The following VEGFA variants were observed in gnomAD, a reference collection of about 807,000 sequenced individuals.
VEGFA encodes the protein vascular endothelial growth factor A.
Under a neutral mutation model 49.7 loss-of-function variants are expected in VEGFA, and 20 were observed. The observed-to-expected ratio is 0.40, with a 90% CI of 0.28 to 0.58. The LOEUF (loss-of-function observed/expected upper bound fraction) is 0.58. Ranked by LOEUF, VEGFA falls within the 20% of genes least tolerant of loss-of-function variation. VEGFA has a pLI of 0.40. For synonymous variants in VEGFA, 219 were observed against 223.4 expected, an observed-to-expected ratio of 0.98 and a Z score of 0.18; for missense variants, 505 against 553.5, an observed-to-expected ratio of 0.91 and a Z score of 0.88.
chr6:43,770,997 G>A lies in VEGFA; in HGVS notation c.291G>A (p.Glu97=), dbSNP rs2127996370. 1.3e-6 allele frequency: 2 copies of A among 1,542,082 alleles called. No individual in the cohort carries two copies. The highest frequency in any genetic ancestry group is 1.7e-6 in the Non-Finnish European group (2 of 1,144,446). The change falls in exon 1 of 8, where the codon GAG becomes GAA. Residue 97 remains glutamate (E), a synonymous_variant. Coordinates refer to ENST00000672860, the MANE Select transcript of VEGFA (RefSeq NM_003376.6). ...AGCCGCAGCCGGAGGAGGGGGAGGA[G>A]GAAGAAGAGAAGGAAGAGGAGAGGG...
chr6:43,774,205 T>C (rs1764546552), intron 1 of VEGFA, 136 bp from the exon 2 acceptor site: 2 of 886,914 alleles, frequency 2.3e-6, no homozygotes, highest in Non-Finnish European at 3.7e-6. Context: ...GGTTGTGTCC[T>C]GTTCGACTCA....
At chr6:43,774,164 G>T in intron 1 of VEGFA, 177 bp from the exon 2 acceptor site, 1 of 682,418 alleles carries the variant, frequency 1.5e-6, no homozygotes, top group South Asian at 1.6e-5. Flanking sequence ...TCCAGGAGTG[G>T]TGGGCATATT....
Position 43,771,175 on chromosome 6 carries a change from AGCGGGCC to A in VEGFA, c.472_478del (p.Gly158ProfsTer22). 1.9e-6 allele frequency: 3 copies of A among 1,574,538 alleles called. 1 individual carries two copies. The highest frequency in any genetic ancestry group is 2.6e-6 in the Non-Finnish European group (3 of 1,164,680). On this transcript the variant is annotated frameshift_variant, in exon 1 of 8. Coordinates refer to ENST00000672860, the MANE Select transcript of VEGFA (RefSeq NM_003376.6). LOFTEE classifies it high-confidence loss of function. Reference sequence around the variant, plus strand: ...AGTAGCTCGCCGAGGCGCCGAGGAGAGCGGGCCGCCCCACAGCCCGAGCCGGAGAGGG... The same window carrying A: ...AGTAGCTCGCCGAGGCGCCGAGGAGAGCCCCACAGCCCGAGCCGGAGAGGG...
rs763040028 is a variant in VEGFA at position 43,777,973 on chromosome 6, C to G, written c.855+308C>G. 1.9e-5 allele frequency: 9 copies of G among 481,582 alleles called. No individual in the cohort carries two copies. The highest frequency in any genetic ancestry group is 2.6e-5 in the Non-Finnish European group (7 of 265,698). 29.8% of individuals were successfully genotyped at this position (481,582 alleles called of 1,614,324 possible). Reference sequence around the variant, plus strand: ...CTTGGAGAGAGTCCTGAGTGCCCCCCCTTCTTGGGGGCTTTGTTTGGGAAG... The same window carrying G: ...CTTGGAGAGAGTCCTGAGTGCCCCCGCTTCTTGGGGGCTTTGTTTGGGAAG... On this transcript the variant is annotated intron_variant, in intron 3 of 7. Coordinates refer to ENST00000672860, the MANE Select transcript of VEGFA (RefSeq NM_003376.6). The surrounding 1 kb of genome is among the most constrained non-coding windows in gnomAD (Gnocchi z 4.3).
chr6:43,771,709 T>TG (rs984932256), intron 1 of VEGFA, among the ~76,000 whole-genome samples: 5 of 151,618 alleles, frequency 3.3e-5, no homozygotes, highest in African/African-American at 1.2e-4. Flanking sequence ...CAGAGACCAG[T>TG]GGGCAGGGGG....
intron 7 of VEGFA, chr6:43,783,194 G>C (rs537695612): frequency 1.3e-5 from 2 of 152,408 alleles, no homozygotes; most frequent in South Asian, 2.1e-4. Context: ...CCTGTGCTCA[G>C]AGTGAGGGAG....
intron 5 of VEGFA, 115 bp downstream of exon 5, chr6:43,779,033 C>G: frequency 7.3e-7 from 1 of 1,373,486 alleles, no homozygotes. Context: ...GGGACTTGGT[C>G]TTGTGGGGGA....
chr6:43,779,380 C>T (rs537097448), intron 5 of VEGFA: 3 of 347,874 alleles, frequency 8.6e-6, no homozygotes, highest in South Asian at 2.7e-5. Context: ...CAGTGCATGC[C>T]CTCCTGTAGG....
At position 43,771,323 on chromosome 6, in the gene VEGFA, G is replaced by T. The variant is rs368487707; in HGVS notation, c.606+11G>T. 24 of 1,595,570 alleles carry T rather than the reference G, an allele frequency of 1.5e-5. No individual in the cohort carries two copies. The African/African-American group carries it at 3.2e-4, about 21-fold the overall frequency. On this transcript the variant is annotated intron_variant, in intron 1 of 7. Coordinates refer to ENST00000672860, the MANE Select transcript of VEGFA (RefSeq NM_003376.6). The stretch of plus-strand genomic sequence containing the variant: ...CTCCACCATGCCAAGGTAAGCGGTC[G>T]TGCCCTGCTGGCGCCGCGGGCCGCT...
chr6:43,786,272 T>A lies in VEGFA; in HGVS notation c.*1710T>A. 1 of 179,310 alleles carries A rather than the reference T, an allele frequency of 5.6e-6. No individual in the cohort carries two copies. The highest frequency in any genetic ancestry group is 9.4e-5 in the East Asian group (1 of 10,634). 11.1% of individuals were successfully genotyped at this position (179,310 alleles called of 1,614,324 possible). A position where few individuals can be genotyped will look rare whatever the true frequency, so the allele number is the denominator to read the frequency against. ...TCTACATACTAAATCTCTCTCCTTT[T>A]TTAATTTTAATATTTGTTATCATTT... On this transcript the variant is annotated 3_prime_UTR_variant, in exon 8 of 8. Coordinates refer to ENST00000672860, the MANE Select transcript of VEGFA (RefSeq NM_003376.6).
chr6:43,770,406 GTA>G lies in VEGFA; in HGVS notation c.-299_-298del. ...TTCTTAAACATTTTTTTTTAAAACT[GTA>G]TTGTTTCTCGTTTTAATTTATTTTT... is the stretch of plus-strand genomic sequence containing the variant. On this transcript the variant is annotated 5_prime_UTR_variant, in exon 1 of 8. Coordinates refer to ENST00000672860, the MANE Select transcript of VEGFA (RefSeq NM_003376.6). 2.5e-6 allele frequency: 1 copy of G among 407,746 alleles called. No individual in the cohort carries two copies. Among genetic ancestry groups the G allele is most frequent in the Non-Finnish European group, 4.2e-6 (1 of 239,452 alleles). 25.3% of individuals were successfully genotyped at this position (407,746 alleles called of 1,614,324 possible).
Position 43,777,654 on chromosome 6 carries a change from A to G in VEGFA, c.844A>G (p.Ile282Val), listed in dbSNP as rs1261671668. 1 of 1,368,854 alleles carries G rather than the reference A, an allele frequency of 7.3e-7. No individual in the cohort carries two copies. Among genetic ancestry groups the G allele is most frequent in the Non-Finnish European group, 9.8e-7 (1 of 1,025,352 alleles). 84.8% of individuals were successfully genotyped at this position (1,368,854 alleles called of 1,614,324 possible). Reference sequence around the variant, plus strand: ...GTGTGTGCCCACTGAGGAGTCCAACATCACCATGCAGGTGGGCATCTTTGG... The same window carrying G: ...GTGTGTGCCCACTGAGGAGTCCAACGTCACCATGCAGGTGGGCATCTTTGG... The change falls in exon 3 of 8, where the codon ATC (isoleucine) becomes GTC (valine). Residue 282 changes from isoleucine to valine, a missense_variant. By Grantham distance (29) the Ile-to-Val change is conservative. Coordinates refer to ENST00000672860, the MANE Select transcript of VEGFA (RefSeq NM_003376.6). This position sits in a 1 kb window ranked among gnomAD's most constrained non-coding sequence, Gnocchi z 4.3.
intron 3 of VEGFA, chr6:43,778,080 T>G: frequency 2.3e-6 from 1 of 443,886 alleles, no homozygotes; most frequent in Non-Finnish European, 4.2e-6. Context: ...CCAGATAGGG[T>G]GGGAGGGAGC....
In VEGFA at chr6:43,784,656, C is replaced by T. The variant is rs2128063345; in HGVS notation, c.*94C>T. 3 of 1,594,180 alleles carry T rather than the reference C, an allele frequency of 1.9e-6. No individual in the cohort carries two copies. In the South Asian group the frequency reaches 3.3e-5, roughly 18 times the overall value. On this transcript the variant is annotated 3_prime_UTR_variant, in exon 8 of 8. Coordinates refer to ENST00000672860, the MANE Select transcript of VEGFA (RefSeq NM_003376.6). ...CAGAACGATCGATACAGAAACCACG[C>T]TGCCGCCACCACACCATCACCATCG...
intron 6 of VEGFA, 194 bp from the exon 7 acceptor site, chr6:43,781,762 C>T (rs1582526316): frequency 1.5e-6 from 1 of 667,314 alleles, no homozygotes; most frequent in Non-Finnish European, 2.6e-6. Flanking sequence ...CGGCAGGTGT[C>T]CTAGCCAGTG....
chr6:43,777,665 G>T lies in VEGFA; in HGVS notation c.855G>T (p.Gln285His). ...CTGAGGAGTCCAACATCACCATGCA[G>T]GTGGGCATCTTTGGGAAGTGGGGCA... Residue 285 changes from glutamine (Q) to histidine (H), a missense_variant and splice_region_variant, in exon 3 of 8, where the codon CAG (glutamine) becomes CAT (histidine). This residue lies in a region of VEGFA where 165 missense variants were observed against 231.7 expected (regional missense o/e 0.71). Transcript: ENST00000672860. The surrounding 1 kb of genome is among the most constrained non-coding windows in gnomAD (Gnocchi z 4.3). 1 of 1,588,804 alleles carries T rather than the reference G, an allele frequency of 6.3e-7. No individual in the cohort carries two copies.
intron 6 of VEGFA, chr6:43,781,750 T>A: frequency 1.7e-6 from 1 of 597,886 alleles, no homozygotes; most frequent in Non-Finnish European, 3.0e-6. Context: ...CGCCTCTTCC[T>A]GCGGCAGGTG....
At position 43,771,013 on chromosome 6, in the gene VEGFA, G is replaced by A. The variant is rs1422237480; in HGVS notation, c.307G>A (p.Glu103Lys). ...GGGGGAGGAGGAAGAAGAGAAGGAAGAGGAGAGGGGGCCGCAGTGGCGACT... is the reference window on the plus strand; with the variant it reads ...GGGGGAGGAGGAAGAAGAGAAGGAAAAGGAGAGGGGGCCGCAGTGGCGACT... Residue 103 changes from glutamate (E) to lysine (K), a missense_variant, in exon 1 of 8, where the codon GAG becomes AAG. Physicochemically the swap from Glu to Lys is moderately conservative, Grantham distance 56 (BLOSUM62 1). Transcript: ENST00000672860. 3.2e-6 allele frequency: 5 copies of A among 1,538,608 alleles called. No individual in the cohort carries two copies. In the African/African-American group the frequency reaches 5.6e-5, roughly 17 times the overall value.
intron 5 of VEGFA, 114 bp from the exon 6 acceptor site, chr6:43,780,618 G>T (rs1392801205): frequency 1.4e-5 from 21 of 1,482,984 alleles, no homozygotes; most frequent in Non-Finnish European, 1.6e-5. Context: ...CCTCCGGGAA[G>T]CGGCCCTGTG....
Sources: allele counts gnomAD v4.1 joint callset (sites outside exome capture counted in the v4.1 genomes callset), GRCh38; gene constraint gnomAD v4.1.1; regional missense constraint gnomAD v4.1.1; non-coding constraint Gnocchi (gnomAD v3.1); transcripts MANE v1.5; gene names NCBI Gene and HGNC (gene_info 2026-07-23, HGNC 2026-07-21).